Variants in TMPRSS11F observed in about 807,000 individuals in gnomAD.
TMPRSS11F encodes the protein transmembrane protease serine 11F.
TMPRSS11F carries 47 observed loss-of-function variants against 60.2 expected under a neutral mutation model. The ratio of observed to expected loss-of-function variants is 0.78; its 90% CI spans 0.62 to 1.00. The LOEUF is 1.00. Among genes scored for constraint, TMPRSS11F ranks in the 50% least tolerant of loss-of-function variants. The pLI, the probability that TMPRSS11F is intolerant of heterozygous loss-of-function variation, is 0.00. For missense variants in TMPRSS11F, 519 were observed against 522.9 expected, an observed-to-expected ratio of 0.99 and a Z score of 0.07; for synonymous variants, 166 against 167.3, an observed-to-expected ratio of 0.99 and a Z score of 0.06.
chr4:68,111,382 A>G (rs1456990581), intron 1 of TMPRSS11F, among the ~76,000 whole-genome samples: 1 of 152,152 alleles, frequency 6.6e-6, no homozygotes, highest in Admixed American at 6.6e-5. Flanking sequence ...AAAACATGAA[A>G]CAGATGGCCC....
intron 8 of TMPRSS11F, chr4:68,062,762 A>G: frequency 1.3e-6 from 1 of 742,482 alleles, no homozygotes; most frequent in Non-Finnish European, 2.5e-6. Flanking sequence ...TTCCTTGTAT[A>G]CTGGATTTGG....
chr4:68,058,056 A>C (rs1193177989), intron 9 of TMPRSS11F, among the ~76,000 whole-genome samples: 1 of 152,130 alleles, frequency 6.6e-6, no homozygotes, highest in East Asian at 1.9e-4. Context: ...TGATTACCAG[A>C]GTCTGGGTGA....
chr4:68,094,677 G>A (rs912386219), intron 2 of TMPRSS11F, among the ~76,000 whole-genome samples: 2 of 151,958 alleles, frequency 1.3e-5, no homozygotes, highest in Non-Finnish European at 2.9e-5. Flanking sequence ...ATTCCTGGAA[G>A]TGGATCCAGC....
At chr4:68,097,970 T>A (rs931922612) in intron 2 of TMPRSS11F, among the ~76,000 whole-genome samples, 9 of 152,270 alleles carry the variant, frequency 5.9e-5, no homozygotes, top group Non-Finnish European at 1.0e-4. Flanking sequence ...ATGACTGATA[T>A]GAGTGCCTAA....
At chr4:68,082,012 G>C (rs1723704594) in intron 3 of TMPRSS11F, among the ~76,000 whole-genome samples, 1 of 152,188 alleles carries the variant, frequency 6.6e-6, no homozygotes, top group South Asian at 2.1e-4. Flanking sequence ...CACTGAGAGA[G>C]ACCAAAATAT....
intron 1 of TMPRSS11F, among the ~76,000 whole-genome samples, chr4:68,114,132 T>A (rs1724466027): frequency 6.6e-6 from 1 of 151,872 alleles, no homozygotes; most frequent in African/African-American, 2.4e-5. Context: ...TGGGGAAAAT[T>A]TATAGATTTA....
chr4:68,073,836 T>C (rs541131515), intron 4 of TMPRSS11F, 106 bp downstream of exon 4: 30 of 655,700 alleles, frequency 4.6e-5, no homozygotes, highest in Non-Finnish European at 6.9e-5. Context: ...ATTTATGAAA[T>C]CTCTGTGTTG....
intron 1 of TMPRSS11F, among the ~76,000 whole-genome samples, chr4:68,122,670 G>A (rs1724644126): frequency 6.6e-6 from 1 of 152,036 alleles, no homozygotes; most frequent in Non-Finnish European, 1.5e-5. Context: ...CCACTATCAG[G>A]CATCTATCTA....
intron 7 of TMPRSS11F, 91 bp from the exon 8 acceptor site, chr4:68,065,035 T>C (rs1177752384): frequency 4.6e-6 from 6 of 1,294,044 alleles, no homozygotes; most frequent in Non-Finnish European, 6.3e-6. Flanking sequence ...GTCAGTATTA[T>C]GCTCCTGAAA....
chr4:68,129,669 T>G, intron 1 of TMPRSS11F, 141 bp downstream of exon 1: 2 of 683,290 alleles, frequency 2.9e-6, no homozygotes, highest in Non-Finnish European at 2.3e-6. Context: ...CAATAAAACT[T>G]TAATATAAAA....
intron 1 of TMPRSS11F, among the ~76,000 whole-genome samples, chr4:68,125,830 T>A (rs1034976297): frequency 1.3e-5 from 2 of 152,194 alleles, no homozygotes; most frequent in Admixed American, 6.5e-5. Flanking sequence ...GCTTAGATCT[T>A]CCCAAGACTT....
chr4:68,099,111 CCTCT>C, intron 1 of TMPRSS11F, 73 bp from the exon 2 acceptor site: 1 of 1,325,024 alleles, frequency 7.5e-7, no homozygotes, highest in Non-Finnish European at 1.0e-6. Context: ...TTACTATGTT[CCTCT>C]ATGAAAATAG....
At chr4:68,062,501 G>C (rs771119477) in intron 8 of TMPRSS11F, 7 of 708,184 alleles carry the variant, frequency 9.9e-6, no homozygotes, top group Admixed American at 7.1e-5. Context: ...GTTGTAATTA[G>C]AAATATGCTG....
At chr4:68,115,267 G>A (rs1287075476) in intron 1 of TMPRSS11F, among the ~76,000 whole-genome samples, 1 of 145,518 alleles carries the variant, frequency 6.9e-6, no homozygotes, top group Non-Finnish European at 1.5e-5. Flanking sequence ...TGAGGCAGGA[G>A]AATGGTGTGA....
chr4:68,056,792 A>G (rs1040917804), intron 9 of TMPRSS11F, among the ~76,000 whole-genome samples: 3 of 152,238 alleles, frequency 2.0e-5, no homozygotes, highest in Non-Finnish European at 4.4e-5. Flanking sequence ...AAAATGTCTT[A>G]TAAAGCAATT....
chr4:68,057,783 G>A (rs1723077196), intron 9 of TMPRSS11F, among the ~76,000 whole-genome samples: 1 of 152,114 alleles, frequency 6.6e-6, no homozygotes, highest in Non-Finnish European at 1.5e-5. Context: ...AATCATTAGG[G>A]AAATGAATTT....
chr4:68,096,909 C>T (rs1253088411), intron 2 of TMPRSS11F, among the ~76,000 whole-genome samples: 1 of 152,106 alleles, frequency 6.6e-6, no homozygotes. Flanking sequence ...AATAACTTGT[C>T]CTCTGTTGTT....
intron 8 of TMPRSS11F, chr4:68,061,703 C>T: frequency 2.6e-6 from 1 of 387,044 alleles, no homozygotes; most frequent in Non-Finnish European, 5.1e-6. Context: ...AAGAGTCAAT[C>T]ACTGAAAGAA....
chr4:68,089,662 T>C (rs926766351), intron 3 of TMPRSS11F, among the ~76,000 whole-genome samples: 4 of 152,132 alleles, frequency 2.6e-5, no homozygotes, highest in African/African-American at 9.6e-5. Context: ...ACATTTAGAA[T>C]CAACTTATGT....
Sources: allele counts gnomAD v4.1 joint callset (sites outside exome capture counted in the v4.1 genomes callset), GRCh38; gene constraint gnomAD v4.1.1; transcripts MANE v1.5; gene names NCBI Gene and HGNC (gene_info 2026-07-23, HGNC 2026-07-21).